Variants in MCM5 observed in about 807,000 individuals in gnomAD.
MCM5 encodes the protein DNA replication licensing factor MCM5.
A neutral mutation model predicts 79.9 loss-of-function variants in MCM5; 46 were observed. The observed-to-expected ratio is 0.58, with a 90% CI of 0.45 to 0.74. The LOEUF is 0.74. Ranked by LOEUF, MCM5 falls within the 30% of genes least tolerant of loss-of-function variation. The probability of loss-of-function intolerance (pLI) is 0.00; values close to 1 mark genes in which losing one functional copy is unlikely to be tolerated. For missense variants in MCM5, 883 were observed against 1,017.0 expected (o/e 0.87, Z 1.79); for synonymous variants, 404 against 390.5 (o/e 1.03, Z -0.41).
At position 35,412,553 on chromosome 22, in the gene MCM5, G is replaced by T. The variant is rs139761379; in HGVS notation, c.963G>T (p.Glu321Asp). ...CCGTGAGCCCCCAGGAGGAGGAGGA[G>T]TTCCGTCGCCTGGCTGCCCTCCCAA... ...AGAVSPQEEE[E>D]FRRLAALPNV... Residue 321 changes from glutamate to aspartate, a missense_variant, in exon 8 of 17, where the codon GAG becomes GAT. Physicochemically the swap from Glu to Asp is conservative, Grantham distance 45. Around this residue, in one of 3 missense-constraint regions of MCM5, gnomAD observed 455 missense variants for 517.5 expected, o/e 0.88. Transcript: ENST00000216122. 19 of 1,579,738 alleles carry T rather than the reference G, an allele frequency of 1.2e-5. No individual in the cohort carries two copies. In the African/African-American group the frequency reaches 2.0e-4, roughly 17 times the overall value.
At position 35,401,517 on chromosome 22, in the gene MCM5, A is replaced by G. The variant is rs4645738; in HGVS notation, c.167+912A>G. 1,497 of 466,886 alleles carry G rather than the reference A, an allele frequency of 3.2e-3. 15 individuals carry two copies. The highest frequency in any genetic ancestry group is 1.9e-3 in the Non-Finnish European group (424 of 224,120). The allele number at this position is 466,886 out of a possible 1,614,324, so 28.9% of individuals were successfully genotyped here. Reference sequence around the variant, plus strand: ...GAGAATTCTCATAGGCCCGGCCTCTATCCCTGAAATGTTAAAATGCAGAGA... The same window carrying G: ...GAGAATTCTCATAGGCCCGGCCTCTGTCCCTGAAATGTTAAAATGCAGAGA... On this transcript the variant is annotated intron_variant, in intron 2 of 16. Transcript: ENST00000216122.
At position 35,423,233 on chromosome 22, in the gene MCM5, C is replaced by A; in HGVS notation, c.1995C>A (p.Ser665Arg). 1 of 1,592,340 alleles carries A rather than the reference C, an allele frequency of 6.3e-7. No individual in the cohort carries two copies. Among genetic ancestry groups the A allele is most frequent in the South Asian group, 1.1e-5 (1 of 88,746 alleles). ...CCACAGGGGTGGAGGGCTTCACCAG[C>A]CAGGAGGACCAGGAGATGCTGAGCC... The part of the protein sequence containing the change: ...GTLSGVEGFT[S>R]QEDQEMLSRI... Residue 665 changes from serine to arginine, a missense_variant, in exon 16 of 17, where the codon AGC (serine) becomes AGA (arginine). Around this residue, in one of 3 missense-constraint regions of MCM5, gnomAD observed 426 missense variants for 482.3 expected, o/e 0.88. Transcript: ENST00000216122.
the MCM5 span, among the ~76,000 whole-genome samples, chr22:35,447,793 C>T: frequency 3.3e-5 from 5 of 152,264 alleles, no homozygotes; most frequent in Admixed American, 2.6e-4. Flanking sequence ...AGGAGGAAAC[C>T]GTCCACAGCC....
intron 8 of MCM5, 88 bp downstream of exon 8, chr22:35,412,769 C>A: frequency 8.6e-7 from 1 of 1,158,296 alleles, no homozygotes; most frequent in Non-Finnish European, 1.1e-6. Flanking sequence ...GGACTGGGCA[C>A]TCTTTTTTGT....
chr22:35,414,190 G>T (rs4645787), intron 9 of MCM5, among the ~76,000 whole-genome samples: 6,768 of 152,252 alleles, frequency 0.044, 472 homozygotes, highest in African/African-American at 0.15. Context: ...CAGGGGGCGA[G>T]TACACTGTAC....
chr22:35,406,718 T>G lies in MCM5; in HGVS notation c.589T>G (p.Cys197Gly). The G allele has an allele frequency of 6.2e-7, 1 of 1,607,110 alleles. No homozygotes were observed. The change falls in exon 5 of 17, where the codon TGC becomes GGC. Residue 197 changes from cysteine (C) to glycine (G), a missense_variant. By Grantham distance (159) the Cys-to-Gly change is radical. Transcript: ENST00000216122. ...CGAGGGCTATGCCCTGCCCAGGAAG[T>G]GCAACACGTGAGTCTGTGGCCCAGA... ...GLEGYALPRK[C>G]NTDQAGRPKC... is the part of the protein sequence containing the mutation.
At chr22:35,420,419 A>G (rs4645807) in intron 14 of MCM5, among the ~76,000 whole-genome samples, 5,573 of 152,320 alleles carry the variant, frequency 0.037, 121 homozygotes, top group Non-Finnish European at 0.048. Context: ...CTTTGTAGAC[A>G]ATACAGTGGG....
At chr22:35,415,350 G>A (rs369265515) in intron 9 of MCM5, among the ~76,000 whole-genome samples, 3 of 152,186 alleles carry the variant, frequency 2.0e-5, no homozygotes, top group Non-Finnish European at 2.9e-5. Flanking sequence ...GAAATCGTGC[G>A]TATTTTGCAC....
chr22:35,441,999 C>T, the MCM5 span, among the ~76,000 whole-genome samples: 1 of 152,264 alleles, frequency 6.6e-6, no homozygotes, highest in African/African-American at 2.4e-5. Flanking sequence ...CTCTGTCCTT[C>T]CAGTCTCCCC....
At chr22:35,407,448 T>C (rs113420681) in intron 5 of MCM5, among the ~76,000 whole-genome samples, 19 of 151,962 alleles carry the variant, frequency 1.3e-4, no homozygotes, top group Non-Finnish European at 2.1e-4. Context: ...AGTCATTTAC[T>C]TCTTAGTCAA....
chr22:35,454,180 A>G, the MCM5 span, among the ~76,000 whole-genome samples: 1 of 151,870 alleles, frequency 6.6e-6, no homozygotes, highest in Non-Finnish European at 1.5e-5. Context: ...CCTCTCCCCA[A>G]CGCCTTCCCC....
At chr22:35,443,849 C>T in the MCM5 span, among the ~76,000 whole-genome samples, 7 of 152,122 alleles carry the variant, frequency 4.6e-5, no homozygotes, top group Admixed American at 3.9e-4. Context: ...GTGCAGGCCT[C>T]GGAGGGGGCC....
chr22:35,453,693 G>C, the MCM5 span, among the ~76,000 whole-genome samples: 2 of 150,958 alleles, frequency 1.3e-5, no homozygotes, highest in Non-Finnish European at 3.0e-5. Context: ...AAGACAGGGA[G>C]AGAGAGAGAG....
the MCM5 span, among the ~76,000 whole-genome samples, chr22:35,443,115 C>T: frequency 6.6e-5 from 10 of 152,196 alleles, no homozygotes; most frequent in Non-Finnish European, 1.5e-4. Context: ...GCACCTTCCT[C>T]GCCATTCCTC....
Position 35,424,488 on chromosome 22 carries a change from C to CGGTGTGT in MCM5, c.*234_*240dup, listed in dbSNP as rs1429448005. 1 of 467,094 alleles carries CGGTGTGT rather than the reference C, an allele frequency of 2.1e-6. No homozygotes were observed. The highest frequency in any genetic ancestry group is 2.0e-5 in the African/African-American group (1 of 49,340). The allele number at this position is 467,094 out of a possible 1,614,324, so 28.9% of individuals were successfully genotyped here. ...TTGGCATCCGTTAATAATAAAGCCACGGTGTGTTCAGGTATCTGTGGGTTT... is the reference window on the plus strand; with the variant it reads ...TTGGCATCCGTTAATAATAAAGCCACGGTGTGTGGTGTGTTCAGGTATCTGTGGGTTT... On this transcript the variant is annotated 3_prime_UTR_variant, in exon 17 of 17. Coordinates refer to ENST00000216122, the MANE Select transcript of MCM5 (RefSeq NM_006739.4).
At chr22:35,431,143 C>T in the MCM5 span, among the ~76,000 whole-genome samples, 2 of 152,338 alleles carry the variant, frequency 1.3e-5, no homozygotes, top group East Asian at 1.9e-4. Context: ...GCAGCCCAGA[C>T]GCTGCCTGGA....
At position 35,416,647 on chromosome 22, in the gene MCM5, A is replaced by T. The variant is rs748815484; in HGVS notation, c.1423A>T (p.Thr475Ser). The change falls in exon 12 of 17, where the codon ACC becomes TCC. Residue 475 changes from threonine to serine, a missense_variant. Coordinates refer to ENST00000216122, the MANE Select transcript of MCM5 (RefSeq NM_006739.4). Reference protein sequence around the residue: ...QTISIAKAGITTTLNSRCSVL... With the variant: ...QTISIAKAGISTTLNSRCSVL... The stretch of plus-strand genomic sequence containing the variant: ...GTCTGTCGCCTGTTAGGCTGGGATC[A>T]CCACCACCCTGAACTCCCGCTGCTC... 1 of 1,612,546 alleles carries T rather than the reference A, an allele frequency of 6.2e-7. No individual in the cohort carries two copies. The highest frequency in any genetic ancestry group is 8.5e-7 in the Non-Finnish European group (1 of 1,179,396).
chr22:35,411,842 T>C (rs1312183911), intron 7 of MCM5, among the ~76,000 whole-genome samples: 2 of 152,208 alleles, frequency 1.3e-5, no homozygotes, highest in Admixed American at 1.3e-4. Flanking sequence ...ACATGTTCAC[T>C]TACATATCTG....
chr22:35,409,280 T>G (rs1288010795), intron 6 of MCM5, among the ~76,000 whole-genome samples: 1 of 152,186 alleles, frequency 6.6e-6, no homozygotes, highest in Non-Finnish European at 1.5e-5. Flanking sequence ...GGCTTTCTGT[T>G]AAGATCCTGC....
Sources: allele counts gnomAD v4.1 joint callset (sites outside exome capture counted in the v4.1 genomes callset), GRCh38; gene constraint gnomAD v4.1.1; regional missense constraint gnomAD v4.1.1; transcripts MANE v1.5; gene names NCBI Gene and HGNC (gene_info 2026-07-23, HGNC 2026-07-21).